Variants in MTR observed in about 807,000 individuals in gnomAD.
MTR encodes 5-methyltetrahydrofolate-homocysteine methyltransferase.
MTR carries 84 observed loss-of-function variants against 154.8 expected under a neutral mutation model. The ratio of observed to expected loss-of-function variants is 0.54; its 90% CI spans 0.45 to 0.65. The LOEUF is 0.65. Among genes scored for constraint, MTR ranks in the 30% least tolerant of loss-of-function variants. The pLI is 0.00. For missense variants in MTR, 1,275 were observed against 1,570.2 expected (o/e 0.81, Z 3.18); for synonymous variants, 554 against 553.9 (o/e 1.00, Z 0.00).
At position 236,895,407 on chromosome 1, in the gene MTR, A is replaced by T; in HGVS notation, c.3455A>T (p.Tyr1152Phe). 6.2e-7 allele frequency: 1 copy of T among 1,605,478 alleles called. No individual in the cohort carries two copies. The highest frequency in any genetic ancestry group is 8.5e-7 in the Non-Finnish European group (1 of 1,175,746). Residue 1152 changes from tyrosine (Y) to phenylalanine (F), a missense_variant, in exon 31 of 33, where the codon TAC (tyrosine) becomes TTC (phenylalanine). Coordinates refer to ENST00000366577, the MANE Select transcript of MTR (RefSeq NM_000254.3). The part of the protein sequence containing the change: ...HERVRRELWA[Y>F]CGSEQLDVAD... The stretch of plus-strand genomic sequence containing the variant: ...AGAGTTCGCCGAGAACTGTGGGCCT[A>T]CTGTGGCAGTGAGCAGCTGGACGTC...
At chr1:236,846,299 T>C (rs536360207) in intron 15 of MTR, among the ~76,000 whole-genome samples, 14 of 152,368 alleles carry the variant, frequency 9.2e-5, no homozygotes, top group African/African-American at 2.9e-4. Flanking sequence ...TTAATTTTTT[T>C]CATATAATCC....
At position 236,812,772 on chromosome 1, in the gene MTR, G is replaced by C. The variant is rs745501498; in HGVS notation, c.537G>C (p.Gln179His). Residue 179 changes from glutamine to histidine, a missense_variant, in exon 6 of 33, where the codon CAG (glutamine) becomes CAC (histidine). Transcript: ENST00000366577. ...AGCTTGTTGAAGCATACCAAGAGCA[G>C]GCCAAAGGACTTCTGGATGGCGGGG... is the stretch of plus-strand genomic sequence containing the variant. Reference protein sequence around the residue: ...FDELVEAYQEQAKGLLDGGVD... With the variant: ...FDELVEAYQEHAKGLLDGGVD... 2 of 1,614,102 alleles carry C rather than the reference G, an allele frequency of 1.2e-6. No individual in the cohort carries two copies. The highest frequency in any genetic ancestry group is 1.7e-6 in the Non-Finnish European group (2 of 1,179,990).
At chr1:236,854,167 A>C (rs1453460456) in intron 18 of MTR, among the ~76,000 whole-genome samples, 1 of 152,212 alleles carries the variant, frequency 6.6e-6, no homozygotes, top group Non-Finnish European at 1.5e-5. Context: ...GGACACTATG[A>C]GATTAACCAC....
chr1:236,819,763 A>T lies in MTR; in HGVS notation c.764+3220A>T, dbSNP rs563617278. On this transcript the variant is annotated intron_variant, in intron 8 of 32. Coordinates refer to ENST00000366577, the MANE Select transcript of MTR (RefSeq NM_000254.3). ...AAGCAGTACATCTATAAAAGGAAAA[A>T]TGATGGGATCTACATCATAAATCTG... 9.3e-6 allele frequency: 7 copies of T among 753,950 alleles called. No homozygotes were observed. In the African/African-American group the frequency reaches 1.2e-4, roughly 13 times the overall value. 46.7% of individuals were successfully genotyped at this position (753,950 alleles called of 1,614,324 possible). A position where few individuals can be genotyped will look rare whatever the true frequency, so the allele number is the denominator to read the frequency against.
At chr1:236,825,499 A>G (rs983561673) in intron 10 of MTR, 100 bp downstream of exon 10, 19 of 1,182,490 alleles carry the variant, frequency 1.6e-5, no homozygotes, top group African/African-American at 1.2e-4. Context: ...AGAAATCCCA[A>G]TGTACATATA....
intron 15 of MTR, among the ~76,000 whole-genome samples, chr1:236,849,097 T>G (rs1163509284): frequency 6.6e-6 from 1 of 152,236 alleles, no homozygotes; most frequent in Admixed American, 6.5e-5. Flanking sequence ...AGAGTAGATT[T>G]GATTTTTCAT....
rs148024814 is a variant in MTR, at chr1:236,823,509, G to A, written c.765-610G>A. Among the ~76,000 whole-genome samples the A allele has an allele frequency of 4.8e-4, 73 of 152,252 alleles. 1 individual carries two copies. The highest frequency in any genetic ancestry group is 3.4e-3 in the Middle Eastern group (1 of 294). On this transcript the variant is annotated intron_variant, in intron 8 of 32. Coordinates refer to ENST00000366577, the MANE Select transcript of MTR (RefSeq NM_000254.3). ...TCTATTCAAGGATCCAGTCTAGGAT[G>A]CCACATTGCACTTAGGAATCACAGT...
At chr1:236,863,181 A>G (rs1325169224) in intron 21 of MTR, among the ~76,000 whole-genome samples, 4 of 152,230 alleles carry the variant, frequency 2.6e-5, no homozygotes, top group Non-Finnish European at 5.9e-5. Flanking sequence ...CCCAGAGTTA[A>G]GGATGTGGTC....
intron 3 of MTR, among the ~76,000 whole-genome samples, chr1:236,807,017 T>C (rs944193059): frequency 6.6e-6 from 1 of 152,232 alleles, no homozygotes; most frequent in African/African-American, 2.4e-5. Flanking sequence ...ACCTTTCGGC[T>C]ATTGTGAATA....
chr1:236,807,605 T>A (rs1661059485), intron 3 of MTR, among the ~76,000 whole-genome samples: 1 of 152,234 alleles, frequency 6.6e-6, no homozygotes, highest in South Asian at 2.1e-4. Flanking sequence ...TTGATTTCCT[T>A]TTAATCGACA....
At chr1:236,812,425 G>A (rs1661356736) in intron 5 of MTR, among the ~76,000 whole-genome samples, 1 of 152,228 alleles carries the variant, frequency 6.6e-6, no homozygotes, top group Non-Finnish European at 1.5e-5. Context: ...TGGAAAGAAT[G>A]ATATGTTTCA....
intron 25 of MTR, among the ~76,000 whole-genome samples, chr1:236,883,195 T>G (rs1365084057): frequency 6.6e-6 from 1 of 152,260 alleles, no homozygotes. Context: ...AAATGTTATT[T>G]TTAAAAATGA....
chr1:236,807,426 G>A (rs12044369), intron 3 of MTR, among the ~76,000 whole-genome samples: 4,483 of 152,116 alleles, frequency 0.029, 243 homozygotes, highest in East Asian at 0.21. Flanking sequence ...TGCCCACCTC[G>A]GCCTCCCAAA....
intron 8 of MTR, chr1:236,820,610 C>A: frequency 3.7e-6 from 2 of 547,538 alleles, no homozygotes; most frequent in Non-Finnish European, 3.2e-6. Flanking sequence ...AAAAAGTTTC[C>A]GTAAACATTC....
chr1:236,846,979 C>T (rs897907260), intron 15 of MTR, among the ~76,000 whole-genome samples: 12 of 152,200 alleles, frequency 7.9e-5, no homozygotes, highest in South Asian at 6.2e-4. Context: ...CTCCGCTTCC[C>T]GGGTTCAAGC....
intron 2 of MTR, among the ~76,000 whole-genome samples, chr1:236,805,465 A>G (rs560393663): frequency 6.6e-6 from 1 of 152,076 alleles, no homozygotes; most frequent in South Asian, 2.1e-4. Context: ...TGTGCCAGAC[A>G]TTTGATGCAT....
chr1:236,897,114 A>T lies in MTR; in HGVS notation c.3707A>T (p.Asp1236Val). Reference protein sequence around the residue: ...KYFAVGKISKDQVEDYALRKN... With the variant: ...KYFAVGKISKVQVEDYALRKN... The stretch of plus-strand genomic sequence containing the variant: ...TTTGCTGTGGGGAAGATTTCCAAGG[A>T]TCAGGTAAGCTAGCTGTTGCATTAT... The change falls in exon 32 of 33, where the codon GAT becomes GTT. Residue 1236 changes from aspartate to valine, a missense_variant. Transcript: ENST00000366577. 6.2e-7 allele frequency: 1 copy of T among 1,608,054 alleles called. No individual in the cohort carries two copies.
Position 236,896,987 on chromosome 1 carries a change from CCT to C in MTR, c.3599-18_3599-17del. ...AGACACTGAGTCCATAAGCATTTTC[CCT>C]GTGTTGCTCCCTCTAGGCATTAGGT... On this transcript the variant is annotated splice_polypyrimidine_tract_variant and intron_variant, in intron 31 of 32. Coordinates refer to ENST00000366577, the MANE Select transcript of MTR (RefSeq NM_000254.3). 1.3e-6 allele frequency: 2 copies of C among 1,576,822 alleles called. No homozygotes were observed. Among genetic ancestry groups the C allele is most frequent in the African/African-American group, 2.7e-5 (2 of 74,162 alleles).
intron 6 of MTR, among the ~76,000 whole-genome samples, chr1:236,813,079 A>T (rs1050968755): frequency 6.6e-6 from 1 of 152,234 alleles, no homozygotes; most frequent in Non-Finnish European, 1.5e-5. Flanking sequence ...ATTTTCATAT[A>T]TAGCTAGTAT....
Sources: allele counts gnomAD v4.1 joint callset (sites outside exome capture counted in the v4.1 genomes callset), GRCh38; gene constraint gnomAD v4.1.1; transcripts MANE v1.5; gene names NCBI Gene and HGNC (gene_info 2026-07-23, HGNC 2026-07-21).